Variants in ARB2A observed in about 807,000 individuals in gnomAD.
ARB2A encodes the protein ARB2 cotranscriptional regulator A.
At chr5:93,893,561 T>A in the ARB2A span, among the ~76,000 whole-genome samples, 1 of 152,160 alleles carries the variant, frequency 6.6e-6, no homozygotes, top group South Asian at 2.1e-4. Context: ...TCACATGCTA[T>A]TTGCCACTAC....
chr5:93,765,597 C>T, the ARB2A span, among the ~76,000 whole-genome samples: 63 of 152,236 alleles, frequency 4.1e-4, no homozygotes, highest in African/African-American at 1.2e-3. Context: ...GAAGAATCAA[C>T]ATCATGAAAA....
At chr5:93,868,098 T>C in the ARB2A span, among the ~76,000 whole-genome samples, 8 of 152,140 alleles carry the variant, frequency 5.3e-5, no homozygotes, top group Non-Finnish European at 1.0e-4. Flanking sequence ...GGGAGGAGGA[T>C]TGCTTGAGCC....
the ARB2A span, among the ~76,000 whole-genome samples, chr5:93,921,556 G>T: frequency 1.3e-5 from 2 of 152,058 alleles, no homozygotes; most frequent in Middle Eastern, 6.8e-3. Context: ...GCCTAAACTG[G>T]TTTTTTAATG....
At chr5:93,637,932 G>T in the ARB2A span, among the ~76,000 whole-genome samples, 1 of 152,146 alleles carries the variant, frequency 6.6e-6, no homozygotes, top group Non-Finnish European at 1.5e-5. Context: ...GGAGGCTAAG[G>T]TTTGCCATGT....
the ARB2A span, among the ~76,000 whole-genome samples, chr5:93,718,019 G>A: frequency 6.6e-6 from 1 of 151,732 alleles, no homozygotes; most frequent in Non-Finnish European, 1.5e-5. Flanking sequence ...ATTTTTAGTA[G>A]AGACGGGGTT....
At chr5:93,856,688 T>G in the ARB2A span, among the ~76,000 whole-genome samples, 1 of 152,084 alleles carries the variant, frequency 6.6e-6, no homozygotes, top group African/African-American at 2.4e-5. Flanking sequence ...TTCAGCTAAA[T>G]TTTTTTCAAA....
chr5:93,701,186 ATAGAATAATTGT>A, the ARB2A span, among the ~76,000 whole-genome samples: 1 of 152,300 alleles, frequency 6.6e-6, no homozygotes, highest in African/African-American at 2.4e-5. Context: ...ATTATTGTTC[ATAGAATAATTGT>A]ATGCTTCTTT....
the ARB2A span, among the ~76,000 whole-genome samples, chr5:94,063,600 C>T: frequency 6.6e-6 from 1 of 152,078 alleles, no homozygotes; most frequent in African/African-American, 2.4e-5. Context: ...GCATATGCCT[C>T]CCTGGAACCT....
chr5:94,022,251 A>G, the ARB2A span, among the ~76,000 whole-genome samples: 8 of 152,144 alleles, frequency 5.3e-5, no homozygotes, highest in Admixed American at 4.6e-4. Flanking sequence ...TGAAACCAAC[A>G]AGTGAATACC....
the ARB2A span, among the ~76,000 whole-genome samples, chr5:94,048,051 C>CTTTTTTTTTTTTTTTTT: frequency 1.0e-5 from 1 of 96,086 alleles, no homozygotes; most frequent in Non-Finnish European, 1.9e-5. Flanking sequence ...AATCGGTAAG[C>CTTTTTTTTTTTTTTTTT]TTTTTTTTTT....
chr5:93,801,730 G>C, the ARB2A span, among the ~76,000 whole-genome samples: 1 of 151,850 alleles, frequency 6.6e-6, no homozygotes, highest in African/African-American at 2.4e-5. Flanking sequence ...AGGCAGCTCA[G>C]AAAAAAAATT....
chr5:94,078,292 C>T, the ARB2A span, among the ~76,000 whole-genome samples: 1 of 152,118 alleles, frequency 6.6e-6, no homozygotes, highest in Admixed American at 6.5e-5. Flanking sequence ...CCTAAAGATT[C>T]TATGCTCACT....
chr5:93,812,860 G>A, the ARB2A span, among the ~76,000 whole-genome samples: 1 of 152,092 alleles, frequency 6.6e-6, no homozygotes, highest in African/African-American at 2.4e-5. Context: ...ATAAGGTATG[G>A]AAAAACTAAG....
chr5:94,011,445 T>C, the ARB2A span, among the ~76,000 whole-genome samples: 255 of 152,328 alleles, frequency 1.7e-3, no homozygotes, highest in African/African-American at 4.9e-3. Context: ...GATGTTTGTA[T>C]GTTTTGTTAC....
At chr5:93,930,392 T>C in the ARB2A span, among the ~76,000 whole-genome samples, 1 of 152,312 alleles carries the variant, frequency 6.6e-6, no homozygotes, top group African/African-American at 2.4e-5. Flanking sequence ...AGTTGCACTC[T>C]CGTGTATAAT....
chr5:93,856,016 C>A, the ARB2A span, among the ~76,000 whole-genome samples: 4 of 151,914 alleles, frequency 2.6e-5, no homozygotes, highest in African/African-American at 7.3e-5. Flanking sequence ...CAAACTACTA[C>A]GAGCTACAGG....
the ARB2A span, among the ~76,000 whole-genome samples, chr5:94,082,711 G>C: frequency 6.7e-6 from 1 of 148,316 alleles, no homozygotes; most frequent in East Asian, 2.0e-4. Flanking sequence ...TTTTTTTTTT[G>C]GCTTCTAGAA....
the ARB2A span, among the ~76,000 whole-genome samples, chr5:93,667,117 TG>T: frequency 6.6e-6 from 1 of 152,220 alleles, no homozygotes; most frequent in East Asian, 1.9e-4. Context: ...CAAAAATTCT[TG>T]CAGCGACAGG....
chr5:94,068,472 CA>C, the ARB2A span, among the ~76,000 whole-genome samples: 1 of 152,258 alleles, frequency 6.6e-6, no homozygotes, highest in South Asian at 2.1e-4. Context: ...TATGCAGTTG[CA>C]AGATTTAATA....
Sources: allele counts gnomAD v4.1 joint callset (sites outside exome capture counted in the v4.1 genomes callset), GRCh38; gene constraint gnomAD v4.1.1; transcripts MANE v1.5; gene names NCBI Gene and HGNC (gene_info 2026-07-23, HGNC 2026-07-21).